The following PML variants were observed in gnomAD, a reference collection of about 807,000 sequenced individuals.
PML encodes protein PML.
A neutral mutation model predicts 65.2 loss-of-function variants in PML; 28 were observed. That is an observed-to-expected ratio of 0.43 (90% CI 0.32 to 0.59). PML has a LOEUF of 0.59. PML is among the 20% of genes least tolerant of loss of function. The pLI is 0.08. For synonymous variants in PML, 500 were observed against 508.8 expected, an observed-to-expected ratio of 0.98 and a Z score of 0.23; for missense variants, 1,021 against 1,203.4, an observed-to-expected ratio of 0.85 and a Z score of 2.24.
rs538388118 is a variant in PML, at chr15:74,044,977, G to A, written c.2618G>A (p.Gly873Asp). ...GTCTCCACCCCACTTGCTGGCCGTG[G>A]CTTGGCAGAGAGGGCCTCCCAGCAG... ...EGVSTPLAGR[G>D]LAERASQQS Residue 873 changes from glycine (G) to aspartate (D), a missense_variant, in exon 9 of 9, where the codon GGC becomes GAC. Coordinates refer to ENST00000268058, the MANE Select transcript of PML (RefSeq NM_033238.3). 9.3e-6 allele frequency: 15 copies of A among 1,608,398 alleles called. No individual in the cohort carries two copies. In the East Asian group the frequency reaches 2.9e-4, roughly 31 times the overall value.
At chr15:73,995,334 G>C (rs1305720091) in intron 1 of PML, among the ~76,000 whole-genome samples, 1 of 152,236 alleles carries the variant, frequency 6.6e-6, no homozygotes, top group Non-Finnish European at 1.5e-5. Flanking sequence ...TGGAGCCAGG[G>C]GCATGTCCCA....
At chr15:73,995,722 GT>G (rs1595871862) in intron 1 of PML, among the ~76,000 whole-genome samples, 3 of 152,032 alleles carry the variant, frequency 2.0e-5, no homozygotes, top group African/African-American at 2.4e-5. Context: ...TTTTGTTGTT[GT>G]TTGTTTGTTT....
Position 74,047,025 on chromosome 15 carries a change from T to C in PML, c.*2017T>C, listed in dbSNP as rs1022142732. The C allele has an allele frequency of 8.7e-6, 2 of 229,762 alleles. No homozygotes were observed. The highest frequency in any genetic ancestry group is 1.7e-5 in the Non-Finnish European group (2 of 115,924). 14.2% of individuals were successfully genotyped at this position (229,762 alleles called of 1,614,324 possible). A position where few individuals can be genotyped will look rare whatever the true frequency, so the allele number is the denominator to read the frequency against. ...CCAGGGTAGGCTTTCCTTTGGATCATCTCCAAATGGGAGTGCCATGTGGCA... is the reference window on the plus strand; with the variant it reads ...CCAGGGTAGGCTTTCCTTTGGATCACCTCCAAATGGGAGTGCCATGTGGCA... On this transcript the variant is annotated 3_prime_UTR_variant, in exon 9 of 9. Transcript: ENST00000268058.
At chr15:74,002,423 C>T (rs1335847948) in intron 2 of PML, among the ~76,000 whole-genome samples, 2 of 144,296 alleles carry the variant, frequency 1.4e-5, no homozygotes, top group Non-Finnish European at 3.0e-5. Flanking sequence ...GCTATTGAAA[C>T]TTTCTACCTT....
In PML at chr15:74,023,269, G is replaced by A; in HGVS notation, c.1044G>A (p.Met348Ile). Residue 348 changes from methionine to isoleucine, a missense_variant, in exon 3 of 9, where the codon ATG (methionine) becomes ATA (isoleucine). Transcript: ENST00000268058. ...CYASDQEVLD[M>I]HGFLRQALCR... ...CCTCGGACCAGGAGGTGCTGGACAT[G>A]CACGGTTTCCTGCGCCAGGCGCTCT... 6.2e-7 allele frequency: 1 copy of A among 1,610,890 alleles called. No homozygotes were observed.
At chr15:74,001,797 G>A (rs925137329) in intron 2 of PML, among the ~76,000 whole-genome samples, 1 of 151,950 alleles carries the variant, frequency 6.6e-6, no homozygotes, top group South Asian at 2.1e-4. Flanking sequence ...TCAAGAGTTC[G>A]AGATCAGCCT....
chr15:74,044,026 G>A (rs2071742266), intron 8 of PML, among the ~76,000 whole-genome samples, 195 bp from the exon 9 acceptor site: 2 of 152,140 alleles, frequency 1.3e-5, no homozygotes, highest in South Asian at 4.1e-4. Context: ...GAGGGCAGCC[G>A]AGCCTCCCCT....
In PML at chr15:74,042,851, C is replaced by T; in HGVS notation, c.1711-138C>T. ...TCATGCACACATACCTTCTCTTGTGCACACGTCCCCTTTCCCAGTGGTACA... is the reference window on the plus strand; with the variant it reads ...TCATGCACACATACCTTCTCTTGTGTACACGTCCCCTTTCCCAGTGGTACA... On this transcript the variant is annotated intron_variant, in intron 7 of 8. Transcript: ENST00000268058. The surrounding 1 kb of genome is among the most constrained non-coding windows in gnomAD (Gnocchi z 5.3). The T allele has an allele frequency of 6.4e-7, 1 of 1,559,858 alleles. No individual in the cohort carries two copies. Among genetic ancestry groups the T allele is most frequent in the Non-Finnish European group, 8.6e-7 (1 of 1,159,512 alleles).
chr15:74,003,067 A>C (rs943233896), intron 2 of PML, among the ~76,000 whole-genome samples: 4 of 152,116 alleles, frequency 2.6e-5, no homozygotes, highest in Non-Finnish European at 5.9e-5. Context: ...CTGTCCGTTC[A>C]AGGATGCAGT....
Position 74,046,255 on chromosome 15 carries a change from G to A in PML, c.*1247G>A. 1 of 233,250 alleles carries A rather than the reference G, an allele frequency of 4.3e-6. No individual in the cohort carries two copies. The highest frequency in any genetic ancestry group is 8.5e-6 in the Non-Finnish European group (1 of 118,024). 14.4% of individuals were successfully genotyped at this position (233,250 alleles called of 1,614,324 possible). A position where few individuals can be genotyped will look rare whatever the true frequency, so the allele number is the denominator to read the frequency against. On this transcript the variant is annotated 3_prime_UTR_variant, in exon 9 of 9. Transcript: ENST00000268058. ...CCAAACTGTTAGTCCCCAACCTTGT[G>A]GTCACATCAGAGGTCAACAGCAGAA...
intron 2 of PML, among the ~76,000 whole-genome samples, chr15:74,020,287 C>CTTTTTT (rs1187914506): frequency 2.6e-5 from 3 of 116,286 alleles, no homozygotes; most frequent in Non-Finnish European, 3.6e-5. Flanking sequence ...TGACTTATTC[C>CTTTTTT]TTTTTTTTTT....
rs201456778 is a variant in PML at position 74,035,636 on chromosome 15, A to T, written c.1710+1106A>T. 1 of 1,613,896 alleles carries T rather than the reference A, an allele frequency of 6.2e-7. No homozygotes were observed. The highest frequency in any genetic ancestry group is 1.3e-5 in the African/African-American group (1 of 75,050). On this transcript the variant is annotated intron_variant, in intron 7 of 8. Coordinates refer to ENST00000268058, the MANE Select transcript of PML (RefSeq NM_033238.3). The surrounding 1 kb of genome is among the most constrained non-coding windows in gnomAD (Gnocchi z 4.1). ...GGGGCATCAGCCCACCCCACCGGAT[A>T]CGAGGGGCTGTGCGATCCCGCAGCC...
Position 74,044,765 on chromosome 15 carries a change from C to T in PML, c.2406C>T (p.Asn802=), listed in dbSNP as rs532602796. 100 of 1,612,912 alleles carry T rather than the reference C, an allele frequency of 6.2e-5. 1 individual carries two copies. The South Asian group carries it at 7.0e-4, about 11-fold the overall frequency. ...AGGCCCGCCTCCTGGCCCTACACAA[C>T]GTGAGCTTCATGGAGCTGCTGAGTG... The part of the protein sequence containing the change: ...RAEARLLALH[N]VSFMELLSAH... Residue 802 remains asparagine (N), a synonymous_variant, in exon 9 of 9, where the codon AAC becomes AAT. Coordinates refer to ENST00000268058, the MANE Select transcript of PML (RefSeq NM_033238.3).
rs1161773321 is a variant in PML, at chr15:74,043,107, T to C, written c.1829T>C (p.Leu610Pro). 1 of 1,613,506 alleles carries C rather than the reference T, an allele frequency of 6.2e-7. No individual in the cohort carries two copies. The highest frequency in any genetic ancestry group is 1.7e-5 in the Admixed American group (1 of 59,942). Residue 610 changes from leucine to proline, a missense_variant, in exon 8 of 9, where the codon CTG becomes CCG. Leu to Pro is a moderately conservative substitution (Grantham distance 98). Coordinates refer to ENST00000268058, the MANE Select transcript of PML (RefSeq NM_033238.3). This position sits in a 1 kb window ranked among gnomAD's most constrained non-coding sequence, Gnocchi z 4.3. ...LADPQAEDRP[L>P]VFFDLKIDNE... ...GACCCCCAAGCAGAAGACAGACCTC[T>C]GGTTTTCTTTGACCTCAAGATTGAC... is the stretch of plus-strand genomic sequence containing the variant.
At chr15:73,998,891 A>G (rs1419560911) in intron 2 of PML, among the ~76,000 whole-genome samples, 1 of 152,244 alleles carries the variant, frequency 6.6e-6, no homozygotes, top group African/African-American at 2.4e-5. Context: ...TTCTAGGATC[A>G]GAGACAAGTA....
chr15:74,044,940 C>A lies in PML; in HGVS notation c.2581C>A (p.Arg861=). Residue 861 remains arginine (R), a synonymous_variant, in exon 9 of 9, where the codon CGG becomes AGG. Coordinates refer to ENST00000268058, the MANE Select transcript of PML (RefSeq NM_033238.3). ...CCTGTTGGAGGGTCCGGCGCTGGCA[C>A]GGGCAGAAGGAGTCTCCACCCCACT... ...EGLLEGPALA[R]AEGVSTPLAG... The A allele has an allele frequency of 5.6e-6, 9 of 1,612,926 alleles. No individual in the cohort carries two copies. The highest frequency in any genetic ancestry group is 7.6e-6 in the Non-Finnish European group (9 of 1,179,926).
chr15:74,035,503 C>A lies in PML; in HGVS notation c.1710+973C>A. ...CGCTTGCACCCTCAATTGCATCGGG[C>A]CCCTATTCGGACTTGGTCTCCCCAT... On this transcript the variant is annotated intron_variant, in intron 7 of 8. Transcript: ENST00000268058. This position sits in a 1 kb window ranked among gnomAD's most constrained non-coding sequence, Gnocchi z 4.1. The A allele has an allele frequency of 1.9e-6, 3 of 1,612,030 alleles. No homozygotes were observed. The South Asian group carries it at 3.3e-5, about 18-fold the overall frequency.
At chr15:74,021,980 G>A (rs972556075) in intron 2 of PML, among the ~76,000 whole-genome samples, 7 of 151,978 alleles carry the variant, frequency 4.6e-5, no homozygotes, top group African/African-American at 1.4e-4. Flanking sequence ...TTTTTGAGAC[G>A]GAGTTTTGCT....
intron 4 of PML, chr15:74,032,332 G>A: frequency 7.1e-6 from 4 of 561,034 alleles, no homozygotes. Flanking sequence ...AGGAGTTCAA[G>A]ACCAGCGTGG....
Sources: allele counts gnomAD v4.1 joint callset (sites outside exome capture counted in the v4.1 genomes callset), GRCh38; gene constraint gnomAD v4.1.1; non-coding constraint Gnocchi (gnomAD v3.1); transcripts MANE v1.5; gene names NCBI Gene and HGNC (gene_info 2026-07-23, HGNC 2026-07-21).